The following RYR2 variants were observed in gnomAD, a reference collection of about 807,000 sequenced individuals.
The protein encoded by RYR2 is ryanodine receptor 2.
RYR2 carries 227 observed loss-of-function variants against 601.1 expected under a neutral mutation model. The ratio of observed to expected loss-of-function variants is 0.38; its 90% CI spans 0.34 to 0.42. The LOEUF is 0.42. Among genes scored for constraint, RYR2 ranks in the 10% least tolerant of loss-of-function variants. The pLI is 1.00. For synonymous variants in RYR2, 2,223 were observed against 2,175.1 expected, an observed-to-expected ratio of 1.02 and a Z score of -0.61; for missense variants, 4,646 against 6,156.5, an observed-to-expected ratio of 0.75 and a Z score of 8.21.
Position 237,819,278 on chromosome 1 carries a change from C to A in RYR2, c.14590+86C>A, listed in dbSNP as rs547432543. On this transcript the variant is annotated intron_variant, in intron 101 of 104. Coordinates refer to ENST00000366574, the MANE Select transcript of RYR2 (RefSeq NM_001035.3). This position sits in a 1 kb window ranked among gnomAD's most constrained non-coding sequence, Gnocchi z 4.0. ...GTTAATATTCAAGGTAGGGTAATGA[C>A]GTCAAGTGTTTCCTGGCAAAGCCAA... 1.2e-5 allele frequency: 16 copies of A among 1,284,892 alleles called. No homozygotes were observed. Among genetic ancestry groups the A allele is most frequent in the East Asian group, 2.3e-5 (1 of 42,920 alleles). The allele number at this position is 1,284,892 out of a possible 1,614,324, so 79.6% of individuals were successfully genotyped here.
intron 1 of RYR2, among the ~76,000 whole-genome samples, chr1:237,237,982 C>CTTTCCTTTCCTTTCT (rs751927403): frequency 1.1e-4 from 16 of 144,078 alleles, no homozygotes; most frequent in South Asian, 2.3e-4. Flanking sequence ...CTTTCCTTTC[C>CTTTCCTTTCCTTTCT]TTTCCAACAG....
At chr1:237,101,299 TA>T (rs374151748) in intron 1 of RYR2, among the ~76,000 whole-genome samples, 3,185 of 94,162 alleles carry the variant, frequency 0.034, 131 homozygotes, top group African/African-American at 0.11. Context: ...TTTTAGAAGT[TA>T]AAAAAAAAAA....
At chr1:237,436,935 G>T (rs1339330409) in intron 12 of RYR2, among the ~76,000 whole-genome samples, 1 of 150,740 alleles carries the variant, frequency 6.6e-6, no homozygotes, top group Non-Finnish European at 1.5e-5. Context: ...TTCAGAAATA[G>T]GTATGGCTTC....
At chr1:237,765,722 A>C (rs959208403) in intron 84 of RYR2, among the ~76,000 whole-genome samples, 6 of 152,114 alleles carry the variant, frequency 3.9e-5, no homozygotes, top group African/African-American at 1.4e-4. Flanking sequence ...CTTGTGGGTA[A>C]ATTTTCTCTT....
chr1:237,042,593 C>T (rs1294557521), intron 1 of RYR2, 24 bp downstream of exon 1: 1 of 1,255,502 alleles, frequency 8.0e-7, no homozygotes, highest in African/African-American at 1.5e-5. Context: ...GTCGCGTGTG[C>T]TGTCAGGGGA....
At chr1:237,360,933 G>A (rs1023371155) in intron 4 of RYR2, among the ~76,000 whole-genome samples, 3 of 152,112 alleles carry the variant, frequency 2.0e-5, no homozygotes, top group Admixed American at 6.5e-5. Context: ...AAGCTGGAGC[G>A]TGGCTCAAGT....
intron 8 of RYR2, among the ~76,000 whole-genome samples, chr1:237,378,810 G>C (rs564478131): frequency 6.6e-6 from 1 of 152,232 alleles, no homozygotes; most frequent in African/African-American, 2.4e-5. Context: ...GTTTTGTTTT[G>C]TTTCACTTGC....
At chr1:237,584,468 A>G (rs1015106329) in intron 29 of RYR2, among the ~76,000 whole-genome samples, 1 of 152,064 alleles carries the variant, frequency 6.6e-6, no homozygotes, top group East Asian at 1.9e-4. Flanking sequence ...CCAGAAAGTC[A>G]GGGGTTATTT....
chr1:237,669,499 C>CA (rs1684664775), intron 58 of RYR2, among the ~76,000 whole-genome samples: 1 of 134,208 alleles, frequency 7.5e-6, no homozygotes, highest in Non-Finnish European at 1.7e-5. Flanking sequence ...GCTGGCCGGG[C>CA]GGGGGGCTGA....
intron 100 of RYR2, among the ~76,000 whole-genome samples, chr1:237,813,202 G>A (rs1003280924): frequency 3.9e-5 from 6 of 152,254 alleles, no homozygotes; most frequent in Admixed American, 6.5e-5. Context: ...GCAGAAGGTA[G>A]CAGTAGCAGG....
At chr1:237,526,142 G>A (rs1394228360) in intron 24 of RYR2, among the ~76,000 whole-genome samples, 1 of 152,108 alleles carries the variant, frequency 6.6e-6, no homozygotes, top group Non-Finnish European at 1.5e-5. Context: ...TACTAACAGT[G>A]TATAAGCTAC....
chr1:237,237,695 A>G (rs1182931642), intron 1 of RYR2, among the ~76,000 whole-genome samples: 1 of 152,128 alleles, frequency 6.6e-6, no homozygotes, highest in African/African-American at 2.4e-5. Flanking sequence ...CTGCAAAGCT[A>G]CCTCTTGTGG....
At chr1:237,403,352 A>G (rs1703559593) in intron 10 of RYR2, among the ~76,000 whole-genome samples, 1 of 152,250 alleles carries the variant, frequency 6.6e-6, no homozygotes, top group African/African-American at 2.4e-5. Flanking sequence ...AATGGGAGAC[A>G]TGGGATGTAA....
Position 237,788,063 on chromosome 1 carries a change from C to G in RYR2, c.13404C>G (p.His4468Gln). 1 of 1,611,810 alleles carries G rather than the reference C, an allele frequency of 6.2e-7. No individual in the cohort carries two copies. The highest frequency in any genetic ancestry group is 8.5e-7 in the Non-Finnish European group (1 of 1,178,752). ...GKQKLRQLHT[H>Q]RYGEPEVPES... is the part of the protein sequence containing the mutation. ...AAAAGTTGAGGCAGCTTCACACACA[C>G]AGATACGGAGAACCAGAAGTGCCAG... The change falls in exon 92 of 105, where the codon CAC becomes CAG. Residue 4468 changes from histidine to glutamine, a missense_variant. This residue lies in a region of RYR2 where 364 missense variants were observed against 442.9 expected (regional missense o/e 0.82). Coordinates refer to ENST00000366574, the MANE Select transcript of RYR2 (RefSeq NM_001035.3).
intron 53 of RYR2, among the ~76,000 whole-genome samples, chr1:237,656,764 T>TTAGCTTC (rs756537133): frequency 5.9e-5 from 9 of 152,176 alleles, no homozygotes; most frequent in Non-Finnish European, 1.3e-4. Context: ...CCCAGCTGAT[T>TTAGCTTC]TAGCTTCCAT....
At chr1:237,326,804 T>A (rs1304920039) in intron 2 of RYR2, among the ~76,000 whole-genome samples, 3 of 152,216 alleles carry the variant, frequency 2.0e-5, no homozygotes, top group Admixed American at 1.3e-4. Context: ...TGTAAAATGT[T>A]TTACCTTATC....
In RYR2 at chr1:237,306,972, G is replaced by A. The variant is rs549848654; in HGVS notation, c.169-23906G>A. On this transcript the variant is annotated intron_variant, in intron 2 of 104. Coordinates refer to ENST00000366574, the MANE Select transcript of RYR2 (RefSeq NM_001035.3). ...GTAGAAAGCTGATTTTAACTCTTACGGGTACGTACTTATACTACTTTCAGT... is the reference window on the plus strand; with the variant it reads ...GTAGAAAGCTGATTTTAACTCTTACAGGTACGTACTTATACTACTTTCAGT... Among the ~76,000 whole-genome samples, 15 of 152,148 alleles carry A rather than the reference G, an allele frequency of 9.9e-5. No individual in the cohort carries two copies. In the South Asian group the frequency reaches 2.7e-3, roughly 27 times the overall value.
At chr1:237,087,437 A>G (rs550772377) in intron 1 of RYR2, among the ~76,000 whole-genome samples, 2 of 152,214 alleles carry the variant, frequency 1.3e-5, no homozygotes, top group African/African-American at 2.4e-5. Flanking sequence ...TACCAAAATC[A>G]GGATAAAAAA....
intron 25 of RYR2, among the ~76,000 whole-genome samples, chr1:237,545,771 C>T (rs1669735535): frequency 6.7e-6 from 1 of 150,064 alleles, no homozygotes; most frequent in African/African-American, 2.4e-5. Context: ...AAAAAAAATA[C>T]TTTCCAGGCC....
Sources: gnomAD v4.1 joint callset for allele counts (sites outside exome capture counted in the v4.1 genomes callset) on GRCh38, gnomAD v4.1.1 for gene constraint, gnomAD v4.1.1 regional missense constraint, Gnocchi (gnomAD v3.1) non-coding constraint, MANE v1.5 for transcripts, NCBI Gene and HGNC (gene_info 2026-07-23, HGNC 2026-07-21) for gene names.